NDRG2: variants seen among roughly 807,000 people sequenced by gnomAD.
NDRG2 encodes the protein protein NDRG2.
In NDRG2, 34 loss-of-function variants were observed where a neutral mutation model predicts 58.2. The observed-to-expected ratio is 0.58, with a 90% confidence interval of 0.44 to 0.78. The LOEUF is 0.78. NDRG2 is among the 30% of genes least tolerant of loss of function. NDRG2 has a pLI of 0.00. For synonymous variants in NDRG2, 187 were observed against 175.9 expected (o/e 1.06, Z -0.50); for missense variants, 434 against 471.2 (o/e 0.92, Z 0.73).
chr14:21,031,989 G>T (rs758182481), intron 1 of NDRG2: 4 of 1,614,162 alleles, frequency 2.5e-6, no homozygotes, highest in African/African-American at 1.3e-5. Context: ...AAGGGCAAGG[G>T]CATTGCGGGA....
At chr14:21,019,091 AATGC>A in intron 11 of NDRG2, 21 bp downstream of exon 11, 2 of 1,582,292 alleles carry the variant, frequency 1.3e-6, no homozygotes, top group Middle Eastern at 3.4e-4. Flanking sequence ...GGAGACAGGC[AATGC>A]ATTATCTCTT....
In NDRG2 at chr14:21,034,146, A is replaced by G. The variant is rs763858233; in HGVS notation, c.25-10825T>C. 10 of 1,614,096 alleles carry G rather than the reference A, an allele frequency of 6.2e-6. No homozygotes were observed. Among genetic ancestry groups the G allele is most frequent in the Middle Eastern group, 1.6e-4 (1 of 6,084 alleles). On this transcript the variant is annotated intron_variant, in intron 1 of 14. Coordinates refer to the NDRG2 transcript ENST00000403829. ...CATCAGACCATTACAATAGCCCCGG[A>G]AACCCTTTGGGTAGTTAACCCTGGG...
At chr14:21,059,673 A>AT (rs965075832) in intron 1 of NDRG2, among the ~76,000 whole-genome samples, 10 of 151,780 alleles carry the variant, frequency 6.6e-5, no homozygotes, top group African/African-American at 1.9e-4. Context: ...TAATTTTTGC[A>AT]TTTTTTTGTA....
rs1881028428 is a variant in NDRG2 at position 21,022,389 on chromosome 14, T to G, written c.223+3A>C. On this transcript the variant is annotated splice_donor_region_variant and intron_variant, in intron 4 of 15. Transcript: ENST00000556147. ...GGAGTGGGAGATGAATGAAGGTCCT[T>G]ACAGTTGAGTCCCACATCGTGGTAG... 6.2e-6 allele frequency: 10 copies of G among 1,611,962 alleles called. No homozygotes were observed. Among genetic ancestry groups the G allele is most frequent in the Non-Finnish European group, 8.5e-6 (10 of 1,178,094 alleles).
At chr14:21,043,509 C>A (rs200507965) in intron 1 of NDRG2, 2 of 1,272,608 alleles carry the variant, frequency 1.6e-6, no homozygotes, top group Non-Finnish European at 2.2e-6. Context: ...ATTCCCTCTC[C>A]AGGACTCCGC....
At chr14:21,046,477 G>GCACTCCAGCCTGGGTAA (rs59920941) in intron 1 of NDRG2, among the ~76,000 whole-genome samples, 126,928 of 151,188 alleles carry the variant, frequency 0.84, 53,911 homozygotes, top group Non-Finnish European at 0.9. Context: ...GCCATGATCT[G>GCACTCCAGCCTGGGTAA]CACTCCAGCC....
At chr14:21,065,333 C>G (rs1315090240) in intron 1 of NDRG2, among the ~76,000 whole-genome samples, 1 of 152,168 alleles carries the variant, frequency 6.6e-6, no homozygotes, top group African/African-American at 2.4e-5. Context: ...CTTGCCATTC[C>G]CACCTCTCAC....
At position 21,042,652 on chromosome 14, in the gene NDRG2, C is replaced by T. The variant is rs377541883; in HGVS notation, c.25-19331G>A. 1.5e-3 allele frequency among the ~76,000 whole-genome samples: 225 copies of T among 151,766 alleles called. 3 individuals carry two copies. In the South Asian group the frequency reaches 0.038, roughly 26 times the overall value. ...ATGGGAACACAGACGAGATGGGAAT[C>T]GGGAGAGGATGAGACACAGACACAG... On this transcript the variant is annotated intron_variant, in intron 1 of 14. Transcript: ENST00000403829.
At chr14:21,023,692 G>A (rs1033845102) in intron 1 of NDRG2, 7 of 212,358 alleles carry the variant, frequency 3.3e-5, no homozygotes, top group African/African-American at 1.3e-4. Flanking sequence ...GGTAGGGAGT[G>A]AAACTTGTAG....
upstream of NDRG2, among the ~76,000 whole-genome samples, chr14:21,027,602 A>C (rs1332742826): frequency 1.3e-5 from 2 of 152,232 alleles, no homozygotes; most frequent in Non-Finnish European, 2.9e-5. Context: ...GCAAACTATG[A>C]ATTCATCAAT....
chr14:21,027,360 T>C (rs3811332), upstream of NDRG2, among the ~76,000 whole-genome samples: 32,874 of 152,214 alleles, frequency 0.22, 3,654 homozygotes, highest in Non-Finnish European at 0.25. Flanking sequence ...TGCAAGCCAC[T>C]GTGTAGATGA....
intron 1 of NDRG2, chr14:21,036,358 T>C (rs1026881470): frequency 2.1e-5 from 9 of 421,698 alleles, no homozygotes; most frequent in African/African-American, 1.9e-4. Flanking sequence ...TCTTTTGGCT[T>C]CCCTGGGCCA....
In NDRG2 at chr14:21,017,984, C is replaced by T. The variant is rs1566450965; in HGVS notation, c.949+3G>A. Reference sequence around the variant, plus strand: ...TGCAGCAAGCTCTTGTCCCGATACTCACTGTAGCCCATGCCTTGCAGGAAG... The same window carrying T: ...TGCAGCAAGCTCTTGTCCCGATACTTACTGTAGCCCATGCCTTGCAGGAAG... On this transcript the variant is annotated splice_donor_region_variant and intron_variant, in intron 15 of 15. Coordinates refer to ENST00000556147, the MANE Select transcript of NDRG2 (RefSeq NM_001320329.2). 1 of 1,614,214 alleles carries T rather than the reference C, an allele frequency of 6.2e-7. No individual in the cohort carries two copies. The highest frequency in any genetic ancestry group is 2.2e-5 in the East Asian group (1 of 44,876).
intron 1 of NDRG2, among the ~76,000 whole-genome samples, chr14:21,046,550 C>CCT (rs1209838018): frequency 1.0e-5 from 1 of 96,146 alleles, no homozygotes; most frequent in South Asian, 4.1e-4. Context: ...CAAATACATA[C>CCT]ATACATACAT....
chr14:21,031,191 ACCCTACTTCC>A, intron 1 of NDRG2: 1 of 1,607,932 alleles, frequency 6.2e-7, no homozygotes, highest in Non-Finnish European at 8.5e-7. Context: ...CATCCCCTTG[ACCCTACTTCC>A]CTAAATCCCC....
At chr14:21,033,669 G>T in intron 1 of NDRG2, 1 of 658,706 alleles carries the variant, frequency 1.5e-6, no homozygotes. Flanking sequence ...GGTGATCAAA[G>T]CCCTGGACAT....
At chr14:21,055,096 T>C (rs1483838410) in intron 1 of NDRG2, among the ~76,000 whole-genome samples, 1 of 152,202 alleles carries the variant, frequency 6.6e-6, no homozygotes, top group East Asian at 1.9e-4. Context: ...AGATATATAT[T>C]CCTCATTCAA....
intron 12 of NDRG2, 37 bp from the exon 13 acceptor site, chr14:21,018,541 C>T (rs764331105): frequency 8.1e-6 from 13 of 1,608,902 alleles, no homozygotes; most frequent in South Asian, 2.2e-5. Context: ...TGAGGTCACG[C>T]CCACTGTGGC....
In NDRG2 at chr14:21,024,142, G is replaced by A. The variant is rs1882413746; in HGVS notation, c.-119C>T. 1.0e-6 allele frequency: 1 copy of A among 985,400 alleles called. No individual in the cohort carries two copies. The allele number at this position is 985,400 out of a possible 1,614,324, so 61.0% of individuals were successfully genotyped here. ...GGTGAATGACATGGGAGACAGACCT[G>A]GGGTCTTTCAGGGACGGAAAGCCTC... On this transcript the variant is annotated 5_prime_UTR_variant, in exon 1 of 16. Coordinates refer to ENST00000556147, the MANE Select transcript of NDRG2 (RefSeq NM_001320329.2).
Sources: allele counts gnomAD v4.1 joint callset (sites outside exome capture counted in the v4.1 genomes callset), GRCh38; gene constraint gnomAD v4.1.1; transcripts MANE v1.5; gene names NCBI Gene and HGNC (gene_info 2026-07-23, HGNC 2026-07-21).